ZNF75A: variants seen among roughly 807,000 people sequenced by gnomAD.
ZNF75A encodes zinc finger protein 75A.
ZNF75A carries 36 observed loss-of-function variants against 46.3 expected under a neutral mutation model. The observed-to-expected ratio is 0.78, with a 90% CI of 0.60 to 1.03. ZNF75A has a LOEUF of 1.03. Ranked by LOEUF, ZNF75A falls within the 50% of genes least tolerant of loss-of-function variation. The probability of loss-of-function intolerance (pLI) is 0.00; values close to 1 mark genes in which losing one functional copy is unlikely to be tolerated. For synonymous variants in ZNF75A, 234 were observed against 189.9 expected, an observed-to-expected ratio of 1.23 and a Z score of -1.91; for missense variants, 595 against 551.3, an observed-to-expected ratio of 1.08 and a Z score of -0.79.
Position 3,308,595 on chromosome 16 carries a change from A to G in ZNF75A, c.167A>G (p.Tyr56Cys), listed in dbSNP as rs149914364. The G allele has an allele frequency of 3.1e-5, 31 of 986,074 alleles. No individual in the cohort carries two copies. The highest frequency in any genetic ancestry group is 2.3e-4 in the East Asian group (2 of 8,814). The allele number at this position is 986,074 out of a possible 1,614,324, so 61.1% of individuals were successfully genotyped here. A position where few individuals can be genotyped will look rare whatever the true frequency, so the allele number is the denominator to read the frequency against. The change falls in exon 2 of 7, where the codon TAT becomes TGT. Residue 56 changes from tyrosine to cysteine, a missense_variant. Transcript: ENST00000669516. The part of the protein sequence containing the change: ...SSCWHFRNFT[Y>C]DEAGGPREAV... ...TGCTGGCACTTCCGGAATTTCACCT[A>G]TGATGAAGCAGGTGGACCCCGTGAG...
At chr16:3,313,266 G>A in intron 5 of ZNF75A, 91 bp downstream of exon 5, 1 of 1,354,198 alleles carries the variant, frequency 7.4e-7, no homozygotes, top group South Asian at 1.3e-5. Context: ...TACTGTTCCA[G>A]GAGCTGGTTG....
chr16:3,318,796 C>T lies in ZNF75A; in HGVS notation c.*927C>T, dbSNP rs1242397387. 1.0e-6 allele frequency: 1 copy of T among 985,188 alleles called. No homozygotes were observed. The highest frequency in any genetic ancestry group is 1.7e-5 in the African/African-American group (1 of 57,168). 61.0% of individuals were successfully genotyped at this position (985,188 alleles called of 1,614,324 possible). A position where few individuals can be genotyped will look rare whatever the true frequency, so the allele number is the denominator to read the frequency against. ...TCCTGTGGCTCATTTGGCATGGAGACCTGGACATGTAGTCAGCAGGAGACG... is the reference window on the plus strand; with the variant it reads ...TCCTGTGGCTCATTTGGCATGGAGATCTGGACATGTAGTCAGCAGGAGACG... On this transcript the variant is annotated 3_prime_UTR_variant, in exon 7 of 7. Transcript: ENST00000669516.
Position 3,316,921 on chromosome 16 carries a change from T to C in ZNF75A, c.833T>C (p.Val278Ala). 1 of 1,611,232 alleles carries C rather than the reference T, an allele frequency of 6.2e-7. No homozygotes were observed. The highest frequency in any genetic ancestry group is 1.1e-5 in the South Asian group (1 of 90,510). ...TTTGTCCATTTGACAGCATTGTTTG[T>C]GCTCCCCAAACCTAAAGTGATCTCC... ...YETVISLALF[V>A]LPKPKVISCL... Residue 278 changes from valine (V) to alanine (A), a missense_variant, in exon 6 of 7, where the codon GTG becomes GCG. Coordinates refer to ENST00000669516, the MANE Select transcript of ZNF75A (RefSeq NM_001302109.2).
At chr16:3,314,419 G>A (rs1165213552) in intron 5 of ZNF75A, among the ~76,000 whole-genome samples, 1 of 152,194 alleles carries the variant, frequency 6.6e-6, no homozygotes, top group Non-Finnish European at 1.5e-5. Context: ...CTTTCCAGCA[G>A]TGTAGGGCTA....
At chr16:3,323,081 G>A (rs1172527637), downstream of ZNF75A, 3 of 506,796 alleles carry the variant, frequency 5.9e-6, no homozygotes, top group Non-Finnish European at 9.3e-6. Context: ...TGAAGATAAA[G>A]CAGGAAATAG....
At position 3,308,323 on chromosome 16, in the gene ZNF75A, A is replaced by G. The variant is rs1960442686; in HGVS notation, c.-106A>G. The stretch of plus-strand genomic sequence containing the variant: ...TTTTCTTGTCCTCAGTGCTTTTAGG[A>G]AGAAGATCCTTTTATTGCTTTTGTA... On this transcript the variant is annotated 5_prime_UTR_variant, in exon 2 of 7. Transcript: ENST00000669516. The G allele has an allele frequency of 1.2e-6, 1 of 812,272 alleles. No homozygotes were observed. The highest frequency in any genetic ancestry group is 1.9e-5 in the African/African-American group (1 of 53,738). The allele number at this position is 812,272 out of a possible 1,614,324, so 50.3% of individuals were successfully genotyped here. A position where few individuals can be genotyped will look rare whatever the true frequency, so the allele number is the denominator to read the frequency against.
At position 3,317,270 on chromosome 16, in the gene ZNF75A, A is replaced by G. The variant is rs1323553557; in HGVS notation, c.1015A>G (p.Ile339Val). Reference protein sequence around the residue: ...DLEIQASAGVISKKAKVKVPQ... With the variant: ...DLEIQASAGVVSKKAKVKVPQ... Reference sequence around the variant, plus strand: ...AGAAATACAAGCATCAGCAGGCGTCATATCAAAAAAGGCCAAAGTAAAAGT... The same window carrying G: ...AGAAATACAAGCATCAGCAGGCGTCGTATCAAAAAAGGCCAAAGTAAAAGT... Residue 339 changes from isoleucine to valine, a missense_variant, in exon 7 of 7, where the codon ATA becomes GTA. Coordinates refer to ENST00000669516, the MANE Select transcript of ZNF75A (RefSeq NM_001302109.2). 3.1e-6 allele frequency: 5 copies of G among 1,614,120 alleles called. No homozygotes were observed. Among genetic ancestry groups the G allele is most frequent in the Admixed American group, 1.7e-5 (1 of 60,022 alleles).
In ZNF75A at chr16:3,318,671, C is replaced by A; in HGVS notation, c.*802C>A. Reference sequence around the variant, plus strand: ...AATTAGTGGGAATTAAGATCAACTTCTCAGTTTTGTTTGTTTACTTTTTAA... The same window carrying A: ...AATTAGTGGGAATTAAGATCAACTTATCAGTTTTGTTTGTTTACTTTTTAA... On this transcript the variant is annotated 3_prime_UTR_variant, in exon 7 of 7. Transcript: ENST00000669516. 2 of 985,390 alleles carry A rather than the reference C, an allele frequency of 2.0e-6. No homozygotes were observed. The highest frequency in any genetic ancestry group is 1.1e-4 in the East Asian group (1 of 8,818). The allele number at this position is 985,390 out of a possible 1,614,324, so 61.0% of individuals were successfully genotyped here. A position where few individuals can be genotyped will look rare whatever the true frequency, so the allele number is the denominator to read the frequency against.
chr16:3,309,348 C>G (rs1460097033), intron 2 of ZNF75A: 6 of 151,430 alleles, frequency 4.0e-5, no homozygotes, highest in Non-Finnish European at 8.8e-5. Flanking sequence ...CCCGGCTATC[C>G]TCGAGGCTGA....
intron 5 of ZNF75A, chr16:3,316,673 C>CAGAAA: frequency 3.1e-6 from 1 of 324,780 alleles, no homozygotes. Context: ...TACTGGATTC[C>CAGAAA]CATTCCCTAT....
downstream of ZNF75A, among the ~76,000 whole-genome samples, chr16:3,322,001 A>G (rs2029962354): frequency 6.6e-6 from 1 of 152,190 alleles, no homozygotes; most frequent in African/African-American, 2.4e-5. Flanking sequence ...GAGTCATGCC[A>G]CTGAAGCATT....
intron 1 of ZNF75A, chr16:3,307,578 T>G (rs1197693398): frequency 2.0e-5 from 3 of 152,094 alleles, no homozygotes; most frequent in African/African-American, 7.2e-5. Context: ...AGTGCAGTGA[T>G]GAGGTCATGG....
At chr16:3,308,907 T>C in intron 2 of ZNF75A, 71 bp downstream of exon 2, 1 of 942,140 alleles carries the variant, frequency 1.1e-6, no homozygotes, top group Non-Finnish European at 1.3e-6. Flanking sequence ...TGGTGGCAGT[T>C]AGTTGAGAAA....
intron 5 of ZNF75A, among the ~76,000 whole-genome samples, chr16:3,314,126 C>T (rs1961017275): frequency 6.6e-6 from 1 of 151,946 alleles, no homozygotes; most frequent in Non-Finnish European, 1.5e-5. Flanking sequence ...TCTGGGGAAC[C>T]GGTTCTAGGG....
Position 3,318,696 on chromosome 16 carries a change from A to G in ZNF75A, c.*827A>G, listed in dbSNP as rs1961405260. The G allele has an allele frequency of 2.0e-6, 2 of 985,410 alleles. No individual in the cohort carries two copies. Among genetic ancestry groups the G allele is most frequent in the Non-Finnish European group, 2.4e-6 (2 of 829,936 alleles). 61.0% of individuals were successfully genotyped at this position (985,410 alleles called of 1,614,324 possible). The stretch of plus-strand genomic sequence containing the variant: ...CTCAGTTTTGTTTGTTTACTTTTTA[A>G]TTGGCTTTTCTTTGTTGTTAAGAAT... On this transcript the variant is annotated 3_prime_UTR_variant, in exon 7 of 7. Transcript: ENST00000669516.
downstream of ZNF75A, among the ~76,000 whole-genome samples, chr16:3,319,783 A>ATTTT (rs55767869): frequency 1.5e-5 from 2 of 133,296 alleles, no homozygotes; most frequent in African/African-American, 6.0e-5. Flanking sequence ...GAAGCTTTTC[A>ATTTT]TTTTTTTTTT....
chr16:3,312,743 C>T lies in ZNF75A; in HGVS notation c.671C>T (p.Pro224Leu), dbSNP rs932390425. The T allele has an allele frequency of 2.8e-6, 3 of 1,058,810 alleles. No individual in the cohort carries two copies. The highest frequency in any genetic ancestry group is 3.4e-6 in the Non-Finnish European group (3 of 876,554). The allele number at this position is 1,058,810 out of a possible 1,614,324, so 65.6% of individuals were successfully genotyped here. A position where few individuals can be genotyped will look rare whatever the true frequency, so the allele number is the denominator to read the frequency against. ...QTNTKDWTVTPEHVLPESQSL... is the reference protein window; with the variant it reads ...QTNTKDWTVTLEHVLPESQSL... ...AACACCAAAGACTGGACAGTGACAC[C>T]TGAGCACGTCTTGCCTGAGTCCCAG... is the stretch of plus-strand genomic sequence containing the variant. Residue 224 changes from proline to leucine, a missense_variant, in exon 4 of 7, where the codon CCT becomes CTT. Coordinates refer to ENST00000669516, the MANE Select transcript of ZNF75A (RefSeq NM_001302109.2).
downstream of ZNF75A, among the ~76,000 whole-genome samples, chr16:3,320,038 C>T (rs928285380): frequency 4.6e-5 from 7 of 151,336 alleles, no homozygotes; most frequent in African/African-American, 1.7e-4. Flanking sequence ...TGTAGCATAA[C>T]CTGCCCTATC....
chr16:3,323,064 C>T (rs1459771282), downstream of ZNF75A: 6 of 596,326 alleles, frequency 1.0e-5, no homozygotes, highest in Admixed American at 2.0e-4. Flanking sequence ...CCTTCCTTTC[C>T]AGTTTTTGAA....
Sources: gnomAD v4.1 joint callset for allele counts (sites outside exome capture counted in the v4.1 genomes callset) on GRCh38, gnomAD v4.1.1 for gene constraint, MANE v1.5 for transcripts, NCBI Gene and HGNC (gene_info 2026-07-23, HGNC 2026-07-21) for gene names.